Variants in FAM53C observed in about 807,000 individuals in gnomAD.
FAM53C encodes protein FAM53C.
Under a neutral mutation model 34.7 loss-of-function variants are expected in FAM53C, and 10 were observed. The observed-to-expected ratio is 0.29, with a 90% CI of 0.18 to 0.49. FAM53C has a LOEUF of 0.49. Ranked by LOEUF, FAM53C falls within the 20% of genes least tolerant of loss-of-function variation. The probability of loss-of-function intolerance (pLI) is 0.99; values close to 1 mark genes in which losing one functional copy is unlikely to be tolerated. For synonymous variants in FAM53C, 203 were observed against 203.6 expected, an observed-to-expected ratio of 1.00 and a Z score of 0.03; for missense variants, 442 against 515.3, an observed-to-expected ratio of 0.86 and a Z score of 1.38.
At chr5:138,342,834 G>A (rs567869012) in intron 3 of FAM53C, 2 of 151,258 alleles carry the variant, frequency 1.3e-5, no homozygotes, top group South Asian at 2.1e-4. Flanking sequence ...GACCAGCCTG[G>A]CCAACACAGT....
Position 138,341,185 on chromosome 5 carries a change from C to G in FAM53C, c.-151C>G. 1.3e-6 allele frequency: 1 copy of G among 771,000 alleles called. No individual in the cohort carries two copies. Among genetic ancestry groups the G allele is most frequent in the Non-Finnish European group, 2.4e-6 (1 of 418,642 alleles). The allele number at this position is 771,000 out of a possible 1,614,324, so 47.8% of individuals were successfully genotyped here. On this transcript the variant is annotated splice_region_variant and 5_prime_UTR_variant, in exon 2 of 5. Transcript: ENST00000239906. ...GGGGCTGGTCCCTCTAATTGGCAGA[C>G]TCAGCAGGCATGACTGGAGAGGGAA... is the stretch of plus-strand genomic sequence containing the variant.
At chr5:138,344,366 G>T (rs1315748151) in intron 3 of FAM53C, among the ~76,000 whole-genome samples, 1 of 152,240 alleles carries the variant, frequency 6.6e-6, no homozygotes, top group South Asian at 2.1e-4. Context: ...ATGAGAGGAG[G>T]AAAGGCCGAG....
chr5:138,347,669 C>T lies in FAM53C; in HGVS notation c.*710C>T, dbSNP rs1016145767. 6.6e-6 allele frequency: 1 copy of T among 152,230 alleles called. No individual in the cohort carries two copies. The allele number at this position is 152,230 out of a possible 1,614,324, so 9.4% of individuals were successfully genotyped here. Reference sequence around the variant, plus strand: ...TTCAGCTAATGATCTTTTCTTCAGCCCCACCCCCTCCCCACTAGCTCGATC... The same window carrying T: ...TTCAGCTAATGATCTTTTCTTCAGCTCCACCCCCTCCCCACTAGCTCGATC... On this transcript the variant is annotated 3_prime_UTR_variant, in exon 5 of 5. Coordinates refer to ENST00000239906, the MANE Select transcript of FAM53C (RefSeq NM_016605.3).
At chr5:138,344,503 G>A (rs1180405929) in intron 3 of FAM53C, among the ~76,000 whole-genome samples, 1 of 152,238 alleles carries the variant, frequency 6.6e-6, no homozygotes, top group Non-Finnish European at 1.5e-5. Context: ...AGAGGGAGTG[G>A]CAGGCAGTAG....
upstream of FAM53C, chr5:138,337,745 C>T (rs1760811650): frequency 4.0e-5 from 14 of 348,834 alleles, no homozygotes; most frequent in South Asian, 3.1e-4. Flanking sequence ...CCCTAATCCG[C>T]GCTTGGACCA....
Position 138,344,849 on chromosome 5 carries a change from CCCACT to C in FAM53C, c.162_166del (p.His55PhefsTer4). On this transcript the variant is annotated frameshift_variant, in exon 4 of 5. Transcript: ENST00000239906. LOFTEE classifies it high-confidence loss of function. Reference sequence around the variant, plus strand: ...GAAGGTGCTTCCTGGAGGGGCCTGCCCCACTGTTCCTGTGCTGAGTTCCAGGACAG... The same window carrying C: ...GAAGGTGCTTCCTGGAGGGGCCTGCCGTTCCTGTGCTGAGTTCCAGGACAG... 6.4e-7 allele frequency: 1 copy of C among 1,570,934 alleles called. No individual in the cohort carries two copies. The highest frequency in any genetic ancestry group is 1.9e-5 in the Admixed American group (1 of 52,122).
chr5:138,343,416 A>C (rs1343739012), intron 3 of FAM53C, among the ~76,000 whole-genome samples: 1 of 151,950 alleles, frequency 6.6e-6, no homozygotes, highest in Non-Finnish European at 1.5e-5. Flanking sequence ...AGGCTGAGGC[A>C]GGAGAATCCC....
chr5:138,344,788 T>G (rs745857494), intron 3 of FAM53C, 37 bp from the exon 4 acceptor site: 8 of 1,471,230 alleles, frequency 5.4e-6, no homozygotes, highest in Non-Finnish European at 7.2e-6. Flanking sequence ...AAATGTAAGC[T>G]ATCATTAATA....
At position 138,347,350 on chromosome 5, in the gene FAM53C, T is replaced by G. The variant is rs1282630214; in HGVS notation, c.*391T>G. 3.6e-6 allele frequency: 1 copy of G among 279,982 alleles called. No individual in the cohort carries two copies. The highest frequency in any genetic ancestry group is 5.0e-5 in the Admixed American group (1 of 19,896). 17.3% of individuals were successfully genotyped at this position (279,982 alleles called of 1,614,324 possible). A position where few individuals can be genotyped will look rare whatever the true frequency, so the allele number is the denominator to read the frequency against. ...GCCAGGGTGGGGGGTTGAGTCAGCCTCCTCAGAGAAACTGCGTGAGAGTGT... is the reference window on the plus strand; with the variant it reads ...GCCAGGGTGGGGGGTTGAGTCAGCCGCCTCAGAGAAACTGCGTGAGAGTGT... On this transcript the variant is annotated 3_prime_UTR_variant, in exon 5 of 5. Transcript: ENST00000239906.
Position 138,347,332 on chromosome 5 carries a change from T to TG in FAM53C, c.*379dup. On this transcript the variant is annotated 3_prime_UTR_variant, in exon 5 of 5. Coordinates refer to ENST00000239906, the MANE Select transcript of FAM53C (RefSeq NM_016605.3). The stretch of plus-strand genomic sequence containing the variant: ...CTTGTGTCTTAGAATTTGGCCAGGG[T>TG]GGGGGGTTGAGTCAGCCTCCTCAGA... 3.4e-6 allele frequency: 1 copy of TG among 295,978 alleles called. No individual in the cohort carries two copies. The highest frequency in any genetic ancestry group is 3.4e-5 in the South Asian group (1 of 29,542). 18.3% of individuals were successfully genotyped at this position (295,978 alleles called of 1,614,324 possible). A position where few individuals can be genotyped will look rare whatever the true frequency, so the allele number is the denominator to read the frequency against.
chr5:138,337,932 G>A, upstream of FAM53C: 4 of 1,282,046 alleles, frequency 3.1e-6, no homozygotes, highest in Non-Finnish European at 3.0e-6. Context: ...AGGGAGGGAG[G>A]GCAGGGGCGA....
Position 138,346,851 on chromosome 5 carries a change from A to AGAG in FAM53C, c.1082_1084dup (p.Glu361dup), listed in dbSNP as rs1561746044. The AGAG allele has an allele frequency of 2.5e-6, 4 of 1,613,974 alleles. No individual in the cohort carries two copies. The South Asian group carries it at 3.3e-5, about 13-fold the overall frequency. On this transcript the variant is annotated inframe_insertion, in exon 5 of 5. Coordinates refer to ENST00000239906, the MANE Select transcript of FAM53C (RefSeq NM_016605.3). ...CCTCCCAGGTGCTGAGTGAAAGCGA[A>AGAG]GAGGAGGAGGAGGGGGCTGTGCGGT...
At chr5:138,340,962 A>G (rs1030617518) in intron 1 of FAM53C, among the ~76,000 whole-genome samples, 3 of 152,332 alleles carry the variant, frequency 2.0e-5, no homozygotes, top group African/African-American at 7.2e-5. Flanking sequence ...AGGGTAGCAA[A>G]TAAGTTTCAA....
At chr5:138,343,418 G>A (rs1161921006) in intron 3 of FAM53C, among the ~76,000 whole-genome samples, 2 of 151,730 alleles carry the variant, frequency 1.3e-5, no homozygotes, top group African/African-American at 4.8e-5. Context: ...GCTGAGGCAG[G>A]AGAATCCCTG....
At chr5:138,338,227 A>G, upstream of FAM53C, 1 of 1,259,504 alleles carries the variant, frequency 7.9e-7, no homozygotes. Context: ...GGTTCGCGCC[A>G]GCGCCTTTTA....
At chr5:138,346,643 A>C (rs1358133460) in intron 4 of FAM53C, 59 bp from the exon 5 acceptor site, 6 of 1,603,124 alleles carry the variant, frequency 3.7e-6, no homozygotes, top group Non-Finnish European at 5.1e-6. Flanking sequence ...AAGTTTACAA[A>C]CCTCACCCTA....
intron 1 of FAM53C, among the ~76,000 whole-genome samples, chr5:138,338,537 G>A (rs1013759156): frequency 6.6e-6 from 1 of 152,082 alleles, no homozygotes; most frequent in African/African-American, 2.4e-5. Flanking sequence ...GCCAGATGAT[G>A]GAACCTAGTG....
chr5:138,343,502 T>G (rs1761089212), intron 3 of FAM53C, among the ~76,000 whole-genome samples: 1 of 150,398 alleles, frequency 6.6e-6, no homozygotes, highest in Non-Finnish European at 1.5e-5. Flanking sequence ...CAGAGCGAGA[T>G]TCCATCTCAA....
At position 138,345,140 on chromosome 5, in the gene FAM53C, G is replaced by C; in HGVS notation, c.452G>C (p.Gly151Ala). 11 of 1,614,182 alleles carry C rather than the reference G, an allele frequency of 6.8e-6. No homozygotes were observed. Among genetic ancestry groups the C allele is most frequent in the Non-Finnish European group, 9.3e-6 (11 of 1,180,030 alleles). ...ACTCCCATAAAGCACCGGGGCAGTG[G>C]TGGAGGGGGTGGGCCGCAGGTGCCT... ...LWTPIKHRGSGGGGGPQVPHQ... is the reference protein window; with the variant it reads ...LWTPIKHRGSAGGGGPQVPHQ... The change falls in exon 4 of 5, where the codon GGT (glycine) becomes GCT (alanine). Residue 151 changes from glycine to alanine, a missense_variant. Gly to Ala is a moderately conservative substitution (Grantham distance 60, BLOSUM62 0). Coordinates refer to ENST00000239906, the MANE Select transcript of FAM53C (RefSeq NM_016605.3). This position sits in a 1 kb window ranked among gnomAD's most constrained non-coding sequence, Gnocchi z 6.3.
Sources: allele counts gnomAD v4.1 joint callset (sites outside exome capture counted in the v4.1 genomes callset), GRCh38; gene constraint gnomAD v4.1.1; non-coding constraint Gnocchi (gnomAD v3.1); transcripts MANE v1.5; gene names NCBI Gene and HGNC (gene_info 2026-07-23, HGNC 2026-07-21).